Variants in THSD7B observed in about 807,000 individuals in gnomAD.
THSD7B encodes thrombospondin type-1 domain-containing protein 7B.
In THSD7B, 138 loss-of-function variants were observed where a neutral mutation model predicts 213.6. The ratio of observed to expected loss-of-function variants is 0.65; its 90% CI spans 0.56 to 0.74. THSD7B has a LOEUF of 0.74. Among genes scored for constraint, THSD7B ranks in the 30% least tolerant of loss-of-function variants. The probability of loss-of-function intolerance (pLI) is 0.00; values close to 1 mark genes in which losing one functional copy is unlikely to be tolerated. For synonymous variants in THSD7B, 742 were observed against 687.0 expected (o/e 1.08, Z -1.25); for missense variants, 1,931 against 1,991.5 (o/e 0.97, Z 0.58).
At chr2:136,889,512 C>T (rs781534432) in intron 2 of THSD7B, among the ~76,000 whole-genome samples, 20 of 152,144 alleles carry the variant, frequency 1.3e-4, no homozygotes, top group Non-Finnish European at 2.4e-4. Context: ...CAAACAGTGC[C>T]CATACTCTTT....
rs1326903564 is a variant in THSD7B, at chr2:137,131,142, T to A, written c.1369+15849T>A. The stretch of plus-strand genomic sequence containing the variant: ...CTCTGATGGCCAGTGATGGTGAGCA[T>A]TTTTTCATGTGTTTTTTGGCTGCAT... On this transcript the variant is annotated intron_variant, in intron 5 of 27. Transcript: ENST00000409968. 5.0e-4 allele frequency among the ~76,000 whole-genome samples: 71 copies of A among 141,042 alleles called. 1 individual carries two copies. Among genetic ancestry groups the A allele is most frequent in the African/African-American group, 1.8e-3 (71 of 39,386 alleles). The allele number at this position is 141,042 out of a possible 152,430, so 92.5% of individuals were successfully genotyped here.
At chr2:136,785,468 A>AG (rs1287930306) in intron 1 of THSD7B, among the ~76,000 whole-genome samples, 2 of 80 alleles carry the variant, frequency 0.025, no homozygotes, top group African/African-American at 0.091. Context: ...TCCATCTTGG[A>AG]GGACCCAGAA....
chr2:137,584,054 A>T (rs553773824), intron 17 of THSD7B, among the ~76,000 whole-genome samples: 4 of 152,114 alleles, frequency 2.6e-5, no homozygotes, highest in African/African-American at 9.7e-5. Flanking sequence ...GGTCCTTCAC[A>T]TCCCTTGTAA....
intron 14 of THSD7B, among the ~76,000 whole-genome samples, chr2:137,443,551 C>T (rs1687463962): frequency 2.0e-5 from 3 of 151,972 alleles, no homozygotes; most frequent in Non-Finnish European, 4.4e-5. Flanking sequence ...AGATCAAGGG[C>T]AGGGTTGATT....
intron 9 of THSD7B, among the ~76,000 whole-genome samples, chr2:137,234,671 G>T (rs1681725440): frequency 6.6e-6 from 1 of 152,154 alleles, no homozygotes; most frequent in South Asian, 2.1e-4. Flanking sequence ...CACAGCATCT[G>T]GCAGGTAGTT....
intron 5 of THSD7B, among the ~76,000 whole-genome samples, chr2:137,134,984 T>C (rs1679407097): frequency 6.6e-6 from 1 of 152,164 alleles, no homozygotes; most frequent in African/African-American, 2.4e-5. Flanking sequence ...ACTAAGGCAC[T>C]TATCTCCTGT....
At chr2:137,016,887 A>G (rs1686352273) in intron 2 of THSD7B, among the ~76,000 whole-genome samples, 1 of 152,202 alleles carries the variant, frequency 6.6e-6, no homozygotes, top group South Asian at 2.1e-4. Flanking sequence ...GTGCAAGTTT[A>G]CAATTCTTTA....
intron 15 of THSD7B, among the ~76,000 whole-genome samples, chr2:137,492,331 A>G (rs1679429076): frequency 6.6e-6 from 1 of 152,122 alleles, no homozygotes; most frequent in Non-Finnish European, 1.5e-5. Context: ...CTCATTATCA[A>G]TTATATACAT....
At chr2:137,350,371 T>C (rs1190623548) in intron 12 of THSD7B, among the ~76,000 whole-genome samples, 1 of 151,702 alleles carries the variant, frequency 6.6e-6, no homozygotes, top group African/African-American at 2.4e-5. Context: ...AGTAATGCTA[T>C]GTGTAAATCC....
At chr2:137,346,747 C>A (rs1045946384) in intron 12 of THSD7B, among the ~76,000 whole-genome samples, 13 of 151,552 alleles carry the variant, frequency 8.6e-5, no homozygotes, top group Non-Finnish European at 1.8e-4. Context: ...AATTATTTTT[C>A]TTTATCTCGC....
chr2:137,163,068 A>G (rs1188548529), intron 6 of THSD7B, among the ~76,000 whole-genome samples: 2 of 151,968 alleles, frequency 1.3e-5, no homozygotes, highest in African/African-American at 4.8e-5. Context: ...TTTCAGTTTT[A>G]TTTTTCCGGA....
At chr2:137,158,601 A>C (rs1679952353) in intron 5 of THSD7B, among the ~76,000 whole-genome samples, 4 of 152,166 alleles carry the variant, frequency 2.6e-5, no homozygotes, top group African/African-American at 9.7e-5. Flanking sequence ...CCTCATAAGC[A>C]GCTCAGGTTG....
At chr2:136,952,769 C>T (rs938295483) in intron 2 of THSD7B, among the ~76,000 whole-genome samples, 2 of 151,940 alleles carry the variant, frequency 1.3e-5, no homozygotes, top group African/African-American at 4.8e-5. Flanking sequence ...AGTACATAGG[C>T]CTTGAGATTA....
chr2:136,870,051 G>A (rs911641005), intron 1 of THSD7B, among the ~76,000 whole-genome samples: 3 of 121,220 alleles, frequency 2.5e-5, no homozygotes, highest in Non-Finnish European at 4.8e-5. Context: ...CGGGCTGGGC[G>A]AAAGAGCGAG....
chr2:137,269,605 G>A lies in THSD7B; in HGVS notation c.2267-2928G>A, dbSNP rs78384715. ...AAACCCACACTCAAGAAAACATTCT[G>A]AGGCTAAATAGTACAGTATAGGCTA... On this transcript the variant is annotated intron_variant, in intron 10 of 27. Transcript: ENST00000409968. 7.9e-3 allele frequency among the ~76,000 whole-genome samples: 1,199 copies of A among 152,274 alleles called. 23 individuals carry two copies. The highest frequency in any genetic ancestry group is 0.027 in the African/African-American group (1,122 of 41,546).
At chr2:137,072,931 G>A (rs1422340041) in intron 3 of THSD7B, among the ~76,000 whole-genome samples, 4 of 152,162 alleles carry the variant, frequency 2.6e-5, no homozygotes, top group Non-Finnish European at 5.9e-5. Flanking sequence ...TGTTGAACCA[G>A]CCTTGCATCC....
chr2:137,573,202 C>G (rs1681393416), intron 17 of THSD7B, among the ~76,000 whole-genome samples: 1 of 151,698 alleles, frequency 6.6e-6, no homozygotes, highest in Non-Finnish European at 1.5e-5. Flanking sequence ...AAGATAAATT[C>G]TGATGTTTTA....
chr2:137,416,342 C>T (rs1686798841), intron 14 of THSD7B, among the ~76,000 whole-genome samples: 1 of 152,224 alleles, frequency 6.6e-6, no homozygotes, highest in East Asian at 1.9e-4. Context: ...GGATGTACTT[C>T]ACCTGGCATG....
At chr2:136,983,412 G>A (rs2104809649) in intron 2 of THSD7B, among the ~76,000 whole-genome samples, 1 of 58,298 alleles carries the variant, frequency 1.7e-5, no homozygotes, top group Admixed American at 2.0e-4. Context: ...GACTTAGGAA[G>A]CAAATGGCCA....
Sources: gnomAD v4.1 joint callset for allele counts (sites outside exome capture counted in the v4.1 genomes callset) on GRCh38, gnomAD v4.1.1 for gene constraint, MANE v1.5 for transcripts, NCBI Gene and HGNC (gene_info 2026-07-23, HGNC 2026-07-21) for gene names.